Variants in BMPR1B observed in about 807,000 individuals in gnomAD.
BMPR1B encodes the protein bone morphogenetic protein receptor type 1B, also known as bone morphogenetic protein receptor type-1B.
In BMPR1B, 12 loss-of-function variants were observed where a neutral mutation model predicts 59.1. The observed-to-expected ratio is 0.20, with a 90% CI of 0.13 to 0.33. The LOEUF is 0.33. Ranked by LOEUF, BMPR1B falls within the 10% of genes least tolerant of loss-of-function variation. The probability of loss-of-function intolerance (pLI) is 1.00; values close to 1 mark genes in which losing one functional copy is unlikely to be tolerated. For synonymous variants in BMPR1B, 237 were observed against 207.3 expected (o/e 1.14, Z -1.23); for missense variants, 550 against 610.9 (o/e 0.90, Z 1.05).
chr4:95,048,766 G>T (rs779593412), intron 3 of BMPR1B, among the ~76,000 whole-genome samples: 1 of 152,102 alleles, frequency 6.6e-6, no homozygotes, highest in Non-Finnish European at 1.5e-5. Context: ...GTACATTAGG[G>T]TGAGAGGGTT....
intron 2 of BMPR1B, among the ~76,000 whole-genome samples, chr4:94,987,188 AATATATC>A (rs1295159463): frequency 6.9e-6 from 1 of 144,186 alleles, no homozygotes; most frequent in African/African-American, 2.5e-5. Context: ...TACTATATAT[AATATATC>A]ATATATATGT....
chr4:94,845,946 T>C (rs10004573), intron 1 of BMPR1B, among the ~76,000 whole-genome samples: 93,248 of 151,978 alleles, frequency 0.61, 29,618 homozygotes, highest in African/African-American at 0.78. Flanking sequence ...TAATATTTGT[T>C]ACCTCATCAA....
intron 2 of BMPR1B, among the ~76,000 whole-genome samples, chr4:94,979,152 C>T (rs566488730): frequency 2.0e-4 from 31 of 152,138 alleles, no homozygotes; most frequent in Admixed American, 1.6e-3. Flanking sequence ...CTTCATGACA[C>T]GTGGGGATTA....
intron 4 of BMPR1B, among the ~76,000 whole-genome samples, chr4:95,110,599 AG>A (rs1579094669): frequency 6.6e-6 from 1 of 152,168 alleles, no homozygotes; most frequent in African/African-American, 2.4e-5. Flanking sequence ...GAAAAGAAGT[AG>A]GATTCTATTA....
At chr4:95,144,899 A>G (rs1734531331) in intron 10 of BMPR1B, among the ~76,000 whole-genome samples, 1 of 152,074 alleles carries the variant, frequency 6.6e-6, no homozygotes, top group South Asian at 2.1e-4. Context: ...TATCCAGTTT[A>G]TTTATATCAC....
chr4:94,977,108 C>A (rs556670291), intron 2 of BMPR1B, among the ~76,000 whole-genome samples: 1 of 152,180 alleles, frequency 6.6e-6, no homozygotes, highest in Non-Finnish European at 1.5e-5. Context: ...ATAATCTACC[C>A]CATTAGCAAA....
rs116262637 is a variant in BMPR1B at position 94,940,552 on chromosome 4, G to T, written c.-112-55488G>T. 2.5e-3 allele frequency among the ~76,000 whole-genome samples: 388 copies of T among 152,262 alleles called. 1 individual carries two copies. Among genetic ancestry groups the T allele is most frequent in the Non-Finnish European group, 3.5e-3 (237 of 68,022 alleles). On this transcript the variant is annotated intron_variant, in intron 2 of 12. Transcript: ENST00000515059. ...CACAATTGTTGAACATTGTGAACAC[G>T]TAGTGTTTACTGAGTTGTATAATAC...
intron 3 of BMPR1B, chr4:95,051,738 T>C (rs1250670786): frequency 1.3e-6 from 2 of 1,535,478 alleles, no homozygotes; most frequent in Non-Finnish European, 1.7e-6. Context: ...AGCTTCACAT[T>C]TTCTTGCTCA....
At chr4:94,815,467 A>G (rs1723976903) in intron 1 of BMPR1B, among the ~76,000 whole-genome samples, 1 of 152,230 alleles carries the variant, frequency 6.6e-6, no homozygotes, top group Admixed American at 6.5e-5. Flanking sequence ...ATTACTAGGA[A>G]AAGGATATGC....
intron 3 of BMPR1B, among the ~76,000 whole-genome samples, chr4:95,080,398 G>T (rs1329246364): frequency 6.6e-6 from 1 of 152,034 alleles, no homozygotes; most frequent in African/African-American, 2.4e-5. Flanking sequence ...AACCATGTCG[G>T]CTAATTTTTG....
chr4:95,070,831 G>A (rs1188678345), intron 3 of BMPR1B, among the ~76,000 whole-genome samples: 1 of 152,038 alleles, frequency 6.6e-6, no homozygotes, highest in South Asian at 2.1e-4. Flanking sequence ...AAAGATAAAG[G>A]CATTTATCTT....
intron 3 of BMPR1B, among the ~76,000 whole-genome samples, chr4:95,057,829 A>G (rs1035573379): frequency 6.6e-6 from 1 of 152,156 alleles, no homozygotes. Flanking sequence ...TATCAACTAA[A>G]TGTTTTGAAA....
rs1721826880 is a variant in BMPR1B, at chr4:94,992,678, C to T, written c.-112-3362C>T. Among the ~76,000 whole-genome samples the T allele has an allele frequency of 2.0e-5, 3 of 152,154 alleles. 1 individual carries two copies. The South Asian group carries it at 6.2e-4, about 32-fold the overall frequency. ...GAGGAAGAGACTTTTTACATTAAGC[C>T]TCCCTCTTTGTGTTTTACAGTTCTG... On this transcript the variant is annotated intron_variant, in intron 2 of 12. Coordinates refer to ENST00000515059, the MANE Select transcript of BMPR1B (RefSeq NM_001203.3).
intron 2 of BMPR1B, among the ~76,000 whole-genome samples, chr4:94,879,557 A>G (rs1407210690): frequency 1.3e-5 from 2 of 152,154 alleles, no homozygotes; most frequent in South Asian, 4.1e-4. Flanking sequence ...GAGCTGTGTT[A>G]GCACCACTGT....
Position 94,798,591 on chromosome 4 carries a change from G to A in BMPR1B, c.-183+40523G>A, listed in dbSNP as rs148113727. Among the ~76,000 whole-genome samples the A allele has an allele frequency of 6.4e-4, 98 of 152,204 alleles. No individual in the cohort carries two copies. The Middle Eastern group carries it at 0.01, about 16-fold the overall frequency. On this transcript the variant is annotated intron_variant, in intron 1 of 12. Coordinates refer to ENST00000515059, the MANE Select transcript of BMPR1B (RefSeq NM_001203.3). ...GTTTACTCAGAAGCCAGGCAGCATC[G>A]TCCTTCATATGTGTTTTTACTACTG...
chr4:94,868,998 CAG>C (rs1726367252), intron 1 of BMPR1B, among the ~76,000 whole-genome samples: 1 of 151,876 alleles, frequency 6.6e-6, no homozygotes, highest in Non-Finnish European at 1.5e-5. Context: ...GCTCTGAGGA[CAG>C]GGCTTAAACA....
chr4:95,024,076 G>A (rs1724184281), intron 3 of BMPR1B, among the ~76,000 whole-genome samples: 1 of 152,102 alleles, frequency 6.6e-6, no homozygotes. Context: ...AGATGACCCT[G>A]TTTATTAATA....
chr4:94,815,536 T>G (rs1723980328), intron 1 of BMPR1B, among the ~76,000 whole-genome samples: 1 of 152,198 alleles, frequency 6.6e-6, no homozygotes, highest in African/African-American at 2.4e-5. Flanking sequence ...TACGTTCTTA[T>G]TAGTGATGTA....
At chr4:95,018,117 T>C (rs1191556310) in intron 3 of BMPR1B, among the ~76,000 whole-genome samples, 1 of 152,198 alleles carries the variant, frequency 6.6e-6, no homozygotes, top group Non-Finnish European at 1.5e-5. Flanking sequence ...TATTTAGTGA[T>C]GAAATATAAA....
Sources: gnomAD v4.1 joint callset for allele counts (sites outside exome capture counted in the v4.1 genomes callset) on GRCh38, gnomAD v4.1.1 for gene constraint, MANE v1.5 for transcripts, NCBI Gene and HGNC (gene_info 2026-07-23, HGNC 2026-07-21) for gene names.